TSBP1: variants seen among roughly 807,000 people sequenced by gnomAD.
The protein encoded by TSBP1 is testis expressed basic protein 1.
Under a neutral mutation model 68.8 loss-of-function variants are expected in TSBP1, and 56 were observed. The ratio of observed to expected loss-of-function variants is 0.81; its 90% CI spans 0.66 to 1.02. The LOEUF (loss-of-function observed/expected upper bound fraction) is 1.02, where lower values mean the gene tolerates loss of function less well. TSBP1 is among the 50% of genes least tolerant of loss of function. The probability of loss-of-function intolerance (pLI) is 0.00; values close to 1 mark genes in which losing one functional copy is unlikely to be tolerated. For synonymous variants in TSBP1, 171 were observed against 208.7 expected (o/e 0.82, Z 1.56); for missense variants, 502 against 641.2 (o/e 0.78, Z 2.34).
At chr6:32,307,777 G>GTTT (rs746149474) in intron 19 of TSBP1, among the ~76,000 whole-genome samples, 1 of 142,214 alleles carries the variant, frequency 7.0e-6, no homozygotes, top group Non-Finnish European at 1.5e-5. Flanking sequence ...TTAATTGCCT[G>GTTT]GTTTTTTTTT....
intron 19 of TSBP1, among the ~76,000 whole-genome samples, chr6:32,307,892 C>T (rs368672254): frequency 2.6e-5 from 4 of 151,900 alleles, no homozygotes; most frequent in East Asian, 1.9e-4. Flanking sequence ...TCTCCAGCCT[C>T]AGCCTCTCAA....
chr6:32,297,825 G>A (rs571724205), intron 22 of TSBP1, among the ~76,000 whole-genome samples: 16 of 152,196 alleles, frequency 1.1e-4, no homozygotes, highest in Non-Finnish European at 1.8e-4. Context: ...TTGGGAGGCT[G>A]AGATGGGAGG....
At chr6:32,322,609 T>A in intron 18 of TSBP1, 103 bp from the exon 20 acceptor site, 1 of 846,532 alleles carries the variant, frequency 1.2e-6, no homozygotes, top group South Asian at 1.5e-5. Flanking sequence ...AGGACTTGGG[T>A]GGGCAGTGAA....
intron 6 of TSBP1, among the ~76,000 whole-genome samples, chr6:32,360,208 G>T (rs1031835431): frequency 6.6e-6 from 1 of 151,684 alleles, no homozygotes. Context: ...CTAACTTCTG[G>T]TAATCACCTT....
intron 18 of TSBP1, among the ~76,000 whole-genome samples, chr6:32,322,812 T>C (rs1767778317): frequency 6.6e-6 from 1 of 152,222 alleles, no homozygotes; most frequent in Non-Finnish European, 1.5e-5. Flanking sequence ...ATCCTTGCAC[T>C]ATAATGTTTG....
Position 32,349,260 on chromosome 6 carries a change from G to A in TSBP1, c.349+480C>T, listed in dbSNP as rs199549370. Among the ~76,000 whole-genome samples the A allele has an allele frequency of 8.0e-5, 12 of 150,732 alleles. 1 individual carries two copies. The East Asian group carries it at 2.1e-3, about 27-fold the overall frequency. On this transcript the variant is annotated intron_variant, in intron 9 of 22. Transcript: ENST00000612031. Reference sequence around the variant, plus strand: ...GTATCAGAACCAGGAACGCCTGGGAGCACCAAACCCTTAGTGTCAGTTGCA... The same window carrying A: ...GTATCAGAACCAGGAACGCCTGGGAACACCAAACCCTTAGTGTCAGTTGCA...
chr6:32,293,716 C>G (rs530604728), exon 23 of TSBP1: 16 of 1,613,026 alleles, frequency 9.9e-6, no homozygotes, highest in Non-Finnish European at 1.4e-5. Flanking sequence ...TTTGGGCTCC[C>G]TGTCCTTGTG....
intron 19 of TSBP1, among the ~76,000 whole-genome samples, chr6:32,312,043 A>C (rs1411961321): frequency 6.6e-6 from 1 of 152,164 alleles, no homozygotes; most frequent in Non-Finnish European, 1.5e-5. Flanking sequence ...CAGTACGAGC[A>C]ATGAAGTGTA....
At chr6:32,303,860 T>C (rs866395188) in intron 19 of TSBP1, among the ~76,000 whole-genome samples, 6 of 152,312 alleles carry the variant, frequency 3.9e-5, no homozygotes, top group African/African-American at 1.4e-4. Context: ...CATTTTGCAG[T>C]CTGTCCCTTC....
chr6:32,349,699 G>A (rs774484844), intron 9 of TSBP1, 41 bp downstream of exon 9: 4 of 1,225,934 alleles, frequency 3.3e-6, no homozygotes, highest in Admixed American at 1.7e-5. Context: ...ATTAAATGGG[G>A]CTAAATGTCA....
chr6:32,327,156 G>C (rs1202809425), intron 16 of TSBP1, among the ~76,000 whole-genome samples: 1 of 152,080 alleles, frequency 6.6e-6, no homozygotes, highest in East Asian at 1.9e-4. Flanking sequence ...CTAAATAGAG[G>C]AATAAGCAAA....
At chr6:32,300,746 C>A (rs369331936) in intron 20 of TSBP1, 46 bp from the exon 24 acceptor site, 2 of 1,557,938 alleles carry the variant, frequency 1.3e-6, no homozygotes, top group African/African-American at 2.7e-5. Context: ...TGGGCATTCC[C>A]TTCTTCCCAG....
Position 32,361,310 on chromosome 6 carries a change from T to G in TSBP1, c.217+4857A>C, listed in dbSNP as rs1772996093. Among the ~76,000 whole-genome samples the G allele has an allele frequency of 6.6e-6, 1 of 152,210 alleles. No homozygotes were observed. Among genetic ancestry groups the G allele is most frequent in the African/African-American group, 2.4e-5 (1 of 41,438 alleles). On this transcript the variant is annotated intron_variant, in intron 6 of 22. Transcript: ENST00000612031. This position sits in a 1 kb window ranked among gnomAD's most constrained non-coding sequence, Gnocchi z 4.3. ...GACTTTTGGGTTGGTTCCAAGTCTT[T>G]GCTATTGTGAATAGTGCCACAATAA...
intron 16 of TSBP1, among the ~76,000 whole-genome samples, chr6:32,327,654 C>CTTTTATTTTCTTTCTTTCT (rs70993815): frequency 3.3e-4 from 48 of 147,054 alleles, no homozygotes; most frequent in African/African-American, 1.0e-3. Context: ...TTTTCTTTTT[C>CTTTTATTTTCTTTCTTTCT]TTTTTTTTTT....
chr6:32,332,520 T>C (rs961863487), intron 14 of TSBP1, among the ~76,000 whole-genome samples: 2 of 152,216 alleles, frequency 1.3e-5, no homozygotes, highest in African/African-American at 4.8e-5. Flanking sequence ...TTCCAGCTTA[T>C]TGGAGAGTGA....
chr6:32,360,021 ATACT>A (rs771721265), intron 6 of TSBP1, among the ~76,000 whole-genome samples: 28 of 152,156 alleles, frequency 1.8e-4, no homozygotes, highest in Admixed American at 3.3e-4. Flanking sequence ...ACCACTTCAA[ATACT>A]TACTTCTATT....
rs868774588 is a variant in TSBP1 at position 32,334,286 on chromosome 6, C to T, written c.472+1151G>A. The stretch of plus-strand genomic sequence containing the variant: ...TCTTTTTAAATTTTCTCCTATTTAT[C>T]TCTCTCTAAACTGCATCTTCATTCT... On this transcript the variant is annotated intron_variant, in intron 14 of 22. Coordinates refer to ENST00000612031, the Ensembl canonical transcript of TSBP1. Among the ~76,000 whole-genome samples, 47 of 152,072 alleles carry T rather than the reference C, an allele frequency of 3.1e-4. 1 individual carries two copies. The highest frequency in any genetic ancestry group is 1.1e-3 in the African/African-American group (46 of 41,490).
In TSBP1 at chr6:32,302,693, C is replaced by T; in HGVS notation, c.581-64G>A. 8.4e-7 allele frequency: 1 copy of T among 1,188,190 alleles called. No individual in the cohort carries two copies. Among genetic ancestry groups the T allele is most frequent in the South Asian group, 1.4e-5 (1 of 73,112 alleles). 73.6% of individuals were successfully genotyped at this position (1,188,190 alleles called of 1,614,324 possible). ...TTTTGGAACAGAAGTACAGTTCTTT[C>T]CTACTCCCAATTCCCTAGTTGTTTT... On this transcript the variant is annotated intron_variant, in intron 19 of 22. Coordinates refer to ENST00000612031, the Ensembl canonical transcript of TSBP1. The surrounding 1 kb of genome is among the most constrained non-coding windows in gnomAD (Gnocchi z 5.1).
In TSBP1 at chr6:32,335,837, G is replaced by A; in HGVS notation, c.451+75C>T. ...TCCAAACCCTTGAAATCCCAACATGGAAACCAGGTAGCGATCCCTAAGATA... is the reference window on the plus strand; with the variant it reads ...TCCAAACCCTTGAAATCCCAACATGAAAACCAGGTAGCGATCCCTAAGATA... On this transcript the variant is annotated intron_variant, in intron 13 of 22. Transcript: ENST00000612031. This position sits in a 1 kb window ranked among gnomAD's most constrained non-coding sequence, Gnocchi z 5.5. The A allele has an allele frequency of 8.3e-7, 1 of 1,204,116 alleles. No homozygotes were observed. The highest frequency in any genetic ancestry group is 1.2e-6 in the Non-Finnish European group (1 of 817,786). The allele number at this position is 1,204,116 out of a possible 1,614,324, so 74.6% of individuals were successfully genotyped here. A position where few individuals can be genotyped will look rare whatever the true frequency, so the allele number is the denominator to read the frequency against.
Sources: allele counts gnomAD v4.1 joint callset (sites outside exome capture counted in the v4.1 genomes callset), GRCh38; gene constraint gnomAD v4.1.1; non-coding constraint Gnocchi (gnomAD v3.1); transcripts MANE v1.5; gene names NCBI Gene and HGNC (gene_info 2026-07-23, HGNC 2026-07-21).